ABCC1: variants seen among roughly 807,000 people sequenced by gnomAD.
ABCC1 encodes multidrug resistance-associated protein 1.
A neutral mutation model predicts 172.9 loss-of-function variants in ABCC1; 83 were observed. That is an observed-to-expected ratio of 0.48 (90% CI 0.40 to 0.58). The LOEUF (loss-of-function observed/expected upper bound fraction) is 0.58. Ranked by LOEUF, ABCC1 falls within the 20% of genes least tolerant of loss-of-function variation. The pLI is 0.00. For missense variants in ABCC1, 1,817 were observed against 2,002.7 expected, an observed-to-expected ratio of 0.91 and a Z score of 1.77; for synonymous variants, 937 against 825.2, an observed-to-expected ratio of 1.14 and a Z score of -2.32.
chr16:16,124,447 G>A (rs1033048047), intron 24 of ABCC1, among the ~76,000 whole-genome samples: 11 of 150,464 alleles, frequency 7.3e-5, no homozygotes, highest in South Asian at 2.1e-4. Context: ...GACCCACTAC[G>A]CCCGGCCTAT....
intron 19 of ABCC1, chr16:16,095,327 T>G (rs2051426974): frequency 6.6e-6 from 1 of 152,262 alleles, no homozygotes; most frequent in African/African-American, 2.4e-5. Flanking sequence ...GGTTTCTTTC[T>G]TAGGAACCTA....
chr16:16,006,599 AT>A, intron 1 of ABCC1, among the ~76,000 whole-genome samples: 1 of 151,876 alleles, frequency 6.6e-6, no homozygotes. Flanking sequence ...TTGAAACAAA[AT>A]TTGTTTCCAA....
intron 21 of ABCC1, 128 bp from the exon 22 acceptor site, chr16:16,111,247 T>G: frequency 1.4e-6 from 1 of 731,800 alleles, no homozygotes; most frequent in South Asian, 1.6e-5. Context: ...AGGGGAGGGG[T>G]GTTCTACGTA....
At chr16:16,133,450 C>T (rs2045786685) in intron 27 of ABCC1, among the ~76,000 whole-genome samples, 1 of 152,086 alleles carries the variant, frequency 6.6e-6, no homozygotes, top group Admixed American at 6.6e-5. Context: ...GTCACCCAGG[C>T]TGGAGTCCAG....
intron 19 of ABCC1, among the ~76,000 whole-genome samples, chr16:16,096,024 T>C (rs1198185347): frequency 2.0e-5 from 3 of 152,134 alleles, no homozygotes; most frequent in Admixed American, 6.5e-5. Flanking sequence ...GCCAGGACTT[T>C]GGGAGGCCAA....
intron 7 of ABCC1, among the ~76,000 whole-genome samples, chr16:16,043,220 C>CCGTTTTT (rs1437069469): frequency 5.4e-4 from 50 of 93,158 alleles, no homozygotes; most frequent in African/African-American, 3.0e-3. Context: ...GCTGGCTGGA[C>CCGTTTTT]TGTTTTTTTT....
intron 21 of ABCC1, among the ~76,000 whole-genome samples, chr16:16,109,635 A>G (rs752290519): frequency 6.6e-6 from 1 of 152,212 alleles, no homozygotes. Context: ...TCAGGCGGCT[A>G]GACACATTTG....
At chr16:16,101,686 G>T (rs45478795) in intron 19 of ABCC1, among the ~76,000 whole-genome samples, 3 of 152,168 alleles carry the variant, frequency 2.0e-5, no homozygotes, top group South Asian at 2.1e-4. Flanking sequence ...GAGGCAGTCA[G>T]TGCGGAGTGG....
intron 12 of ABCC1, among the ~76,000 whole-genome samples, chr16:16,064,827 C>A (rs560370732): frequency 6.6e-6 from 1 of 152,314 alleles, no homozygotes; most frequent in African/African-American, 2.4e-5. Flanking sequence ...AATCTCCAGT[C>A]ATGGAACATT....
Position 16,136,635 on chromosome 16 carries a change from A to G in ABCC1, c.4283A>G (p.Glu1428Gly). 3 of 1,614,016 alleles carry G rather than the reference A, an allele frequency of 1.9e-6. No homozygotes were observed. Among genetic ancestry groups the G allele is most frequent in the Non-Finnish European group, 2.5e-6 (3 of 1,179,982 alleles). The part of the protein sequence containing the change: ...KLDHECAEGG[E>G]NLSVGQRQLV... ...GACCATGAATGTGCAGAAGGCGGGG[A>G]GAACCTCAGGTAGGCGGGGGTGAAC... Residue 1428 changes from glutamate to glycine, a missense_variant, in exon 29 of 31, where the codon GAG (glutamate) becomes GGG (glycine). Physicochemically the swap from Glu to Gly is moderately conservative, Grantham distance 98. This residue lies in a region of ABCC1 where 1,412 missense variants were observed against 1,600.3 expected (regional missense o/e 0.88). Coordinates refer to ENST00000399410, the MANE Select transcript of ABCC1 (RefSeq NM_004996.4).
In ABCC1 at chr16:16,102,514, T is replaced by C. The variant is rs933145436; in HGVS notation, c.2645-113T>C. The stretch of plus-strand genomic sequence containing the variant: ...CAGGTCTCCTACTTTCTGATCATCC[T>C]GGCGGCCAGGTGCTCTGTGGTCTCC... On this transcript the variant is annotated intron_variant, in intron 19 of 30. Coordinates refer to ENST00000399410, the MANE Select transcript of ABCC1 (RefSeq NM_004996.4). The C allele has an allele frequency of 3.9e-5, 35 of 899,772 alleles. No individual in the cohort carries two copies. In the Admixed American group the frequency reaches 7.1e-4, roughly 18 times the overall value. The allele number at this position is 899,772 out of a possible 1,614,324, so 55.7% of individuals were successfully genotyped here. A position where few individuals can be genotyped will look rare whatever the true frequency, so the allele number is the denominator to read the frequency against.
At chr16:16,016,456 A>C in intron 4 of ABCC1, 40 bp from the exon 5 acceptor site, 4 of 1,611,764 alleles carry the variant, frequency 2.5e-6, no homozygotes, top group Non-Finnish European at 3.4e-6. Flanking sequence ...ACCCAGCCCC[A>C]GAATGTGATC....
At chr16:16,031,747 G>T (rs2048565271) in intron 5 of ABCC1, among the ~76,000 whole-genome samples, 1 of 151,944 alleles carries the variant, frequency 6.6e-6, no homozygotes, top group Non-Finnish European at 1.5e-5. Context: ...CGCCTTCTCT[G>T]ACCTTCGTAC....
At chr16:16,119,849 G>A (rs2045073602) in intron 23 of ABCC1, among the ~76,000 whole-genome samples, 1 of 152,114 alleles carries the variant, frequency 6.6e-6, no homozygotes, top group East Asian at 1.9e-4. Flanking sequence ...TGGTAAGAGA[G>A]GAAGGAGATG....
chr16:15,977,369 G>T lies in ABCC1; in HGVS notation c.48+27570G>T, dbSNP rs556966212. Among the ~76,000 whole-genome samples, 67 of 152,102 alleles carry T rather than the reference G, an allele frequency of 4.4e-4. 3 individuals carry two copies. In the South Asian group the frequency reaches 0.013, roughly 30 times the overall value. ...TCTTCCCAGCTGTATTGGCCATCTGGTCCTCTTCTGGCTCTTTGTCCCATT... is the reference window on the plus strand; with the variant it reads ...TCTTCCCAGCTGTATTGGCCATCTGTTCCTCTTCTGGCTCTTTGTCCCATT... On this transcript the variant is annotated intron_variant, in intron 1 of 30. Transcript: ENST00000399410.
chr16:15,970,067 C>T (rs1239300940), intron 1 of ABCC1, among the ~76,000 whole-genome samples: 1 of 152,108 alleles, frequency 6.6e-6, no homozygotes, highest in Non-Finnish European at 1.5e-5. Context: ...AAGGAGACTC[C>T]TTAAGTGGGG....
rs1190231452 is a variant in ABCC1, at chr16:16,087,123, T to C, written c.2460+132T>C. 3 of 1,091,594 alleles carry C rather than the reference T, an allele frequency of 2.7e-6. No homozygotes were observed. The African/African-American group carries it at 4.8e-5, about 17-fold the overall frequency. The allele number at this position is 1,091,594 out of a possible 1,614,324, so 67.6% of individuals were successfully genotyped here. Reference sequence around the variant, plus strand: ...TTAATTGGACTTTAAAGAACACATTTCTCATGCTTGTCTTGGAAGCCTTCC... The same window carrying C: ...TTAATTGGACTTTAAAGAACACATTCCTCATGCTTGTCTTGGAAGCCTTCC... On this transcript the variant is annotated intron_variant, in intron 18 of 30. Coordinates refer to ENST00000399410, the MANE Select transcript of ABCC1 (RefSeq NM_004996.4).
intron 28 of ABCC1, 61 bp from the exon 29 acceptor site, chr16:16,136,417 C>G: frequency 6.3e-7 from 1 of 1,583,778 alleles, no homozygotes; most frequent in African/African-American, 1.3e-5. Context: ...CTTAGGTCGC[C>G]TCCATCCATG....
chr16:16,053,746 C>T (rs1378549923), intron 11 of ABCC1, among the ~76,000 whole-genome samples: 1 of 117,550 alleles, frequency 8.5e-6, no homozygotes, highest in East Asian at 2.4e-4. Context: ...ATGATTGTGC[C>T]ACTGCACAAC....
Sources: allele counts gnomAD v4.1 joint callset (sites outside exome capture counted in the v4.1 genomes callset), GRCh38; gene constraint gnomAD v4.1.1; regional missense constraint gnomAD v4.1.1; transcripts MANE v1.5; gene names NCBI Gene and HGNC (gene_info 2026-07-23, HGNC 2026-07-21).